MSH3: variants seen among roughly 807,000 people sequenced by gnomAD.
MSH3 encodes the protein mutS homolog 3, also known as DNA mismatch repair protein Msh3.
A neutral mutation model predicts 123.3 loss-of-function variants in MSH3; 106 were observed. The ratio of observed to expected loss-of-function variants is 0.86; its 90% CI spans 0.73 to 1.01. The LOEUF is 1.01. Among genes scored for constraint, MSH3 ranks in the 50% least tolerant of loss-of-function variants. The probability of loss-of-function intolerance (pLI) is 0.00; values close to 1 mark genes in which losing one functional copy is unlikely to be tolerated. For missense variants in MSH3, 1,459 were observed against 1,347.6 expected (o/e 1.08, Z -1.29); for synonymous variants, 515 against 481.4 (o/e 1.07, Z -0.91).
At chr5:80,673,441 A>G (rs1749765361) in intron 6 of MSH3, among the ~76,000 whole-genome samples, 1 of 152,158 alleles carries the variant, frequency 6.6e-6, no homozygotes, top group Admixed American at 6.5e-5. Flanking sequence ...AGGTGGGACA[A>G]TCACGTCAGC....
chr5:80,759,305 G>A (rs180808859), intron 12 of MSH3, among the ~76,000 whole-genome samples: 3 of 152,318 alleles, frequency 2.0e-5, no homozygotes, highest in Admixed American at 2.0e-4. Flanking sequence ...TGATAGTAAA[G>A]GGATTAAGTC....
At chr5:80,790,306 A>G (rs1297908023) in intron 18 of MSH3, among the ~76,000 whole-genome samples, 2 of 152,212 alleles carry the variant, frequency 1.3e-5, no homozygotes, top group Non-Finnish European at 2.9e-5. Flanking sequence ...GTAAGGGCCT[A>G]TTGAACCTAA....
intron 8 of MSH3, among the ~76,000 whole-genome samples, chr5:80,724,789 A>G (rs1743236621): frequency 6.6e-6 from 1 of 152,202 alleles, no homozygotes; most frequent in Admixed American, 6.5e-5. Context: ...TCAAATCAAA[A>G]TGATGCTTTT....
chr5:80,693,441 GT>G (rs1442459877), intron 8 of MSH3, among the ~76,000 whole-genome samples: 1 of 113,488 alleles, frequency 8.8e-6, no homozygotes, highest in African/African-American at 3.4e-5. Context: ...ACATGTATAT[GT>G]TTATATAGAT....
intron 20 of MSH3, among the ~76,000 whole-genome samples, chr5:80,819,645 C>T (rs1329860347): frequency 6.6e-6 from 1 of 151,808 alleles, no homozygotes. Flanking sequence ...CACCACCACA[C>T]CCAGCTAATT....
At chr5:80,687,807 AAG>A (rs72475372) in intron 8 of MSH3, among the ~76,000 whole-genome samples, 18,273 of 152,102 alleles carry the variant, frequency 0.12, 1,541 homozygotes, top group East Asian at 0.33. Context: ...GATAGAAGGG[AAG>A]AGATGAGTGT....
intron 20 of MSH3, among the ~76,000 whole-genome samples, chr5:80,843,119 A>G (rs1392943274): frequency 6.6e-6 from 1 of 151,844 alleles, no homozygotes; most frequent in Non-Finnish European, 1.5e-5. Flanking sequence ...TTGAGGGGCT[A>G]TTGAATTTTG....
chr5:80,768,828 T>A lies in MSH3; in HGVS notation c.2085-7T>A. On this transcript the variant is annotated splice_polypyrimidine_tract_variant and splice_region_variant and intron_variant, in intron 14 of 23. Transcript: ENST00000265081. ...CGAATATGTATTTGCATGTTTTGAT[T>A]TTTTAGAGTTGGGGATAAAACTGAA... The A allele has an allele frequency of 6.3e-7, 1 of 1,598,878 alleles. No homozygotes were observed. Among genetic ancestry groups the A allele is most frequent in the Non-Finnish European group, 8.6e-7 (1 of 1,167,902 alleles).
intron 8 of MSH3, among the ~76,000 whole-genome samples, chr5:80,699,935 C>CT (rs1346267044): frequency 4.6e-5 from 7 of 152,156 alleles, no homozygotes; most frequent in Non-Finnish European, 7.3e-5. Context: ...TAGGAAATCT[C>CT]TTTTTTTCTT....
At chr5:80,688,518 A>G (rs918604017) in intron 8 of MSH3, among the ~76,000 whole-genome samples, 2 of 152,192 alleles carry the variant, frequency 1.3e-5, no homozygotes, top group Non-Finnish European at 2.9e-5. Context: ...CTCTTATTAA[A>G]TTAATTTATA....
intron 19 of MSH3, among the ~76,000 whole-genome samples, chr5:80,802,714 T>C (rs1009075339): frequency 2.0e-5 from 3 of 152,164 alleles, no homozygotes; most frequent in African/African-American, 7.2e-5. Context: ...ATTCACCTTC[T>C]TCACCCCTAC....
chr5:80,654,879 CTG>C lies in MSH3; in HGVS notation c.153_154del (p.Ala52SerfsTer32). 6.6e-7 allele frequency: 1 copy of C among 1,524,552 alleles called. No homozygotes were observed. Among genetic ancestry groups the C allele is most frequent in the East Asian group, 2.4e-5 (1 of 41,400 alleles). 94.4% of individuals were successfully genotyped at this position (1,524,552 alleles called of 1,614,324 possible). A position where few individuals can be genotyped will look rare whatever the true frequency, so the allele number is the denominator to read the frequency against. On this transcript the variant is annotated frameshift_variant, in exon 1 of 24. Coordinates refer to ENST00000265081, the MANE Select transcript of MSH3 (RefSeq NM_002439.5). LOFTEE classifies it high-confidence loss of function. ...GCAGCCGACCAGGTGGACCCTGGCG[CTG>C]CAGCGGCTGCAGCGGCCGCAGCGGC...
intron 20 of MSH3, among the ~76,000 whole-genome samples, chr5:80,846,897 T>A (rs1242652923): frequency 1.3e-5 from 2 of 152,116 alleles, no homozygotes; most frequent in African/African-American, 2.4e-5. Flanking sequence ...CTGCCCTGTT[T>A]CAGCTCACCG....
chr5:80,779,704 G>A lies in MSH3; in HGVS notation c.2435+868G>A, dbSNP rs545600193. Among the ~76,000 whole-genome samples the A allele has an allele frequency of 4.6e-5, 7 of 150,728 alleles. No individual in the cohort carries two copies. The South Asian group carries it at 6.3e-4, about 14-fold the overall frequency. ...CTCCTGAGTAGCTGGGACTACAGGC[G>A]CACACCGCCACGCCCTGCTAATTTT... On this transcript the variant is annotated intron_variant, in intron 17 of 23. Transcript: ENST00000265081.
At chr5:80,696,698 T>C (rs1348892064) in intron 8 of MSH3, among the ~76,000 whole-genome samples, 5 of 152,152 alleles carry the variant, frequency 3.3e-5, no homozygotes, top group African/African-American at 1.2e-4. Context: ...TGGGGAAACA[T>C]ATCTCCATTC....
rs149662421 is a variant in MSH3 at position 80,672,784 on chromosome 5, T to G, written c.953T>G (p.Ile318Ser). ...ACTGAAACTGCAGCATTAAAGGCCA[T>G]TGGAGACAACAGAAGTTCACTCTTT... Reference protein sequence around the residue: ...KQTETAALKAIGDNRSSLFSR... With the variant: ...KQTETAALKASGDNRSSLFSR... Residue 318 changes from isoleucine to serine, a missense_variant, in exon 6 of 24, where the codon ATT becomes AGT. Coordinates refer to ENST00000265081, the MANE Select transcript of MSH3 (RefSeq NM_002439.5). 1 of 1,614,064 alleles carries G rather than the reference T, an allele frequency of 6.2e-7. No individual in the cohort carries two copies. The highest frequency in any genetic ancestry group is 1.3e-5 in the African/African-American group (1 of 74,950).
rs376766708 is a variant in MSH3 at position 80,725,424 on chromosome 5, A to G, written c.1341-29A>G. On this transcript the variant is annotated intron_variant, in intron 8 of 23. Coordinates refer to ENST00000265081, the MANE Select transcript of MSH3 (RefSeq NM_002439.5). ...AGCATTTCATGATAATGGATAAGTT[A>G]TCTTTGAAATTTTCCTTTTTTCTTT... 1.3e-5 allele frequency: 20 copies of G among 1,493,396 alleles called. No individual in the cohort carries two copies. In the African/African-American group the frequency reaches 2.5e-4, roughly 19 times the overall value. 92.5% of individuals were successfully genotyped at this position (1,493,396 alleles called of 1,614,324 possible).
intron 17 of MSH3, among the ~76,000 whole-genome samples, chr5:80,785,996 TGG>T (rs1348253032): frequency 6.6e-5 from 1 of 15,140 alleles, no homozygotes; most frequent in East Asian, 1.8e-3. Flanking sequence ...TGTTGTGGGG[TGG>T]GGGGAAGGGG....
chr5:80,710,994 A>G (rs984546469), intron 8 of MSH3, among the ~76,000 whole-genome samples: 1 of 152,196 alleles, frequency 6.6e-6, no homozygotes, highest in African/African-American at 2.4e-5. Context: ...GTTTGCCAAG[A>G]CAGACTAGAA....
Sources: gnomAD v4.1 joint callset for allele counts (sites outside exome capture counted in the v4.1 genomes callset) on GRCh38, gnomAD v4.1.1 for gene constraint, MANE v1.5 for transcripts, NCBI Gene and HGNC (gene_info 2026-07-23, HGNC 2026-07-21) for gene names.